Variants in PABIR3 observed in about 807,000 individuals in gnomAD.
PABIR3 encodes the protein PABIR family member 1.
PABIR3 carries 20 observed loss-of-function variants against 23.1 expected under a neutral mutation model. That is an observed-to-expected ratio of 0.86 (90% CI 0.61 to 1.26). The LOEUF (loss-of-function observed/expected upper bound fraction) is 1.26. PABIR3 is among the 50% of genes most tolerant of loss of function. The pLI, the probability that PABIR3 is intolerant of heterozygous loss-of-function variation, is 0.00. For synonymous variants in PABIR3, 69 were observed against 68.5 expected (o/e 1.01, Z -0.04); for missense variants, 189 against 195.4 (o/e 0.97, Z 0.20).
At chrX:134,845,996 A>G (rs1424733155) in intron 6 of PABIR3, among the ~76,000 whole-genome samples, 1 of 111,936 alleles carries the variant, frequency 8.9e-6, no homozygotes. Context: ...CCGTTCTCAC[A>G]TTGCTATAAG....
chrX:134,828,412 C>A (rs1384351924), intron 3 of PABIR3, among the ~76,000 whole-genome samples: 1 of 111,413 alleles, frequency 9.0e-6, no homozygotes, highest in East Asian at 2.8e-4. Context: ...TTTGAATGTA[C>A]AACTCAATGT....
intron 2 of PABIR3, 50 bp from the exon 3 acceptor site, chrX:134,814,718 AAAG>A (rs1556312818): frequency 1.0e-6 from 1 of 1,004,828 alleles, no homozygotes; most frequent in Non-Finnish European, 1.4e-6. Context: ...AAAAAAAAAA[AAAG>A]AATTTTGTAA....
intron 4 of PABIR3, among the ~76,000 whole-genome samples, chrX:134,843,181 A>G (rs912678213): frequency 6.3e-5 from 7 of 110,832 alleles, no homozygotes; most frequent in Admixed American, 1.9e-4. Context: ...CCTGGCCAAC[A>G]GAGTGACACG....
chrX:134,798,425 G>A (rs1359815413), intron 1 of PABIR3, among the ~76,000 whole-genome samples: 8 of 112,265 alleles, frequency 7.1e-5, no homozygotes, highest in Non-Finnish European at 7.5e-5. Flanking sequence ...AGGTCATGCT[G>A]CTGGGGCCAC....
At chrX:134,824,174 C>T (rs192723230) in intron 3 of PABIR3, among the ~76,000 whole-genome samples, 8 of 111,868 alleles carry the variant, frequency 7.2e-5, no homozygotes, top group African/African-American at 1.6e-4. Flanking sequence ...GCCTTCGTTA[C>T]GTGTATTTGA....
chrX:134,797,271 C>T (rs992918018), intron 1 of PABIR3: 1 of 113,803 alleles, frequency 8.8e-6, no homozygotes, highest in African/African-American at 3.2e-5. Flanking sequence ...AGCCCCGCCT[C>T]GAAATCCGCC....
At chrX:134,856,117 AAATCTTGGT>A (rs2148379404), downstream of PABIR3, among the ~76,000 whole-genome samples, 1 of 112,205 alleles carries the variant, frequency 8.9e-6, no homozygotes, top group South Asian at 3.7e-4. Context: ...TTTTATCAGC[AAATCTTGGT>A]AATCTTGACT....
intron 2 of PABIR3, among the ~76,000 whole-genome samples, chrX:134,814,128 T>C (rs1359347787): frequency 2.7e-5 from 3 of 111,147 alleles, no homozygotes; most frequent in Non-Finnish European, 5.7e-5. Flanking sequence ...ACTTTGGGAG[T>C]TGAGAGGGAA....
chrX:134,818,418 A>G (rs2081093325), intron 3 of PABIR3, among the ~76,000 whole-genome samples: 1 of 111,927 alleles, frequency 8.9e-6, no homozygotes, highest in Non-Finnish European at 1.9e-5. Context: ...GTGATGGACT[A>G]AGTAGAGAGG....
Position 134,854,160 on chromosome X carries a change from C to T in PABIR3, c.756C>T (p.Ile252=), listed in dbSNP as rs374792816. Residue 252 remains isoleucine, a synonymous_variant, in exon 11 of 11, where the codon ATC becomes ATT. Transcript: ENST00000645433. ...AGSSGNSSAE[I]GTVTNSPVSP... ...CTTCTGGTAATTCGTCAGCTGAAAT[C>T]GGCACTGTCACAAACTCTCCTGTGT... 8.5e-5 allele frequency: 103 copies of T among 1,208,567 alleles called. No homozygotes were observed. Among genetic ancestry groups the T allele is most frequent in the Non-Finnish European group, 1.0e-4 (91 of 894,340 alleles).
chrX:134,845,444 T>G (rs1338050093), intron 6 of PABIR3, 43 bp downstream of exon 6: 5 of 1,038,437 alleles, frequency 4.8e-6, no homozygotes, highest in Non-Finnish European at 6.6e-6. Context: ...TTTCAAATTT[T>G]TACTGACTTA....
chrX:134,800,235 A>G (rs1396431606), intron 1 of PABIR3, among the ~76,000 whole-genome samples: 2 of 106,234 alleles, frequency 1.9e-5, no homozygotes, highest in Non-Finnish European at 3.9e-5. Flanking sequence ...CGGGAGGTGG[A>G]GGTTGCAGTG....
At chrX:134,833,005 G>A (rs1024554863) in intron 4 of PABIR3, 1 of 110,770 alleles carries the variant, frequency 9.0e-6, no homozygotes, top group East Asian at 2.8e-4. Context: ...CCTCCTATAC[G>A]TATGGGTGAC....
chrX:134,816,384 G>A (rs2080978230), intron 3 of PABIR3, among the ~76,000 whole-genome samples: 1 of 112,416 alleles, frequency 8.9e-6, no homozygotes, highest in Non-Finnish European at 1.9e-5. Context: ...GCAGTGGCAC[G>A]ATCTTGGCTC....
upstream of PABIR3, chrX:134,796,492 GAAGGATGGAGGGAAAAC>G: frequency 3.6e-6 from 1 of 277,149 alleles, no homozygotes; most frequent in Non-Finnish European, 6.5e-6. Context: ...ATGAAGGAAA[GAAGGATGGAGGGAAAAC>G]AAGGATGGAG....
intron 9 of PABIR3, among the ~76,000 whole-genome samples, chrX:134,852,069 C>A (rs762026332): frequency 8.9e-6 from 1 of 112,259 alleles, no homozygotes; most frequent in South Asian, 3.7e-4. Context: ...AAAGAACTTA[C>A]CTATTTAGTT....
downstream of PABIR3, among the ~76,000 whole-genome samples, chrX:134,859,012 T>TCTGTGGCTTTACTGA (rs1192580809): frequency 9.0e-6 from 1 of 111,712 alleles, no homozygotes; most frequent in Non-Finnish European, 1.9e-5. Flanking sequence ...GCAAAGTAAA[T>TCTGTGGCTTTACTGA]CAGTAACATA....
intron 1 of PABIR3, chrX:134,796,875 GC>G (rs2079874255): frequency 8.9e-6 from 1 of 112,084 alleles, no homozygotes; most frequent in African/African-American, 3.2e-5. Flanking sequence ...GTAGGACCCG[GC>G]CGGGCGGCCT....
At chrX:134,821,348 G>C (rs1410313717) in intron 3 of PABIR3, 1 of 1,144,124 alleles carries the variant, frequency 8.7e-7, no homozygotes, top group Admixed American at 2.7e-5. Flanking sequence ...ACCCACTTCT[G>C]TTGAACAGAA....
Sources: allele counts gnomAD v4.1 joint callset (sites outside exome capture counted in the v4.1 genomes callset), GRCh38; gene constraint gnomAD v4.1.1; transcripts MANE v1.5; gene names NCBI Gene and HGNC (gene_info 2026-07-23, HGNC 2026-07-21).